Variants in KIF27 observed in about 807,000 individuals in gnomAD.
KIF27 encodes kinesin-like protein KIF27.
In KIF27, 84 loss-of-function variants were observed where a neutral mutation model predicts 141.8. That is an observed-to-expected ratio of 0.59 (90% CI 0.50 to 0.71). KIF27 has a LOEUF of 0.71. Ranked by LOEUF, KIF27 falls within the 30% of genes least tolerant of loss-of-function variation. The pLI, the probability that KIF27 is intolerant of heterozygous loss-of-function variation, is 0.00. For synonymous variants in KIF27, 471 were observed against 569.5 expected (o/e 0.83, Z 2.46); for missense variants, 1,306 against 1,628.4 (o/e 0.80, Z 3.41).
chr9:83,921,146 C>T (rs913825006), intron 1 of KIF27, among the ~76,000 whole-genome samples: 1 of 152,158 alleles, frequency 6.6e-6, no homozygotes, highest in African/African-American at 2.4e-5. Context: ...GGCTCCCAGC[C>T]CCGACCCCAG....
rs1433571663 is a variant in KIF27, at chr9:83,871,900, C to T, written c.2644-1268G>A. The stretch of plus-strand genomic sequence containing the variant: ...ATTTTTTAGGAGAGACAGGGTTTTA[C>T]CATGTTGGCCAGGCTGGTCTCGAAC... On this transcript the variant is annotated intron_variant, in intron 11 of 17. Coordinates refer to ENST00000297814, the MANE Select transcript of KIF27 (RefSeq NM_017576.4). 2.0e-5 allele frequency among the ~76,000 whole-genome samples: 3 copies of T among 151,220 alleles called. No individual in the cohort carries two copies. In the East Asian group the frequency reaches 6.0e-4, roughly 30 times the overall value.
chr9:83,905,109 C>A (rs1489293836), intron 3 of KIF27, among the ~76,000 whole-genome samples: 3 of 151,668 alleles, frequency 2.0e-5, no homozygotes, highest in African/African-American at 4.8e-5. Flanking sequence ...TTGTTTATAT[C>A]CAAAAATATT....
At chr9:83,852,154 A>C (rs1223020985) in intron 15 of KIF27, among the ~76,000 whole-genome samples, 1 of 147,496 alleles carries the variant, frequency 6.8e-6, no homozygotes. Context: ...ATAAAGAGTT[A>C]TCTCTATCAG....
chr9:83,900,017 CAGA>C (rs1477596627), intron 4 of KIF27, among the ~76,000 whole-genome samples: 14 of 152,098 alleles, frequency 9.2e-5, no homozygotes. Context: ...ACCATGAAGA[CAGA>C]AGATTTTCCT....
chr9:83,889,216 A>G lies in KIF27; in HGVS notation c.1847T>C (p.Ile616Thr). The part of the protein sequence containing the change: ...TSPPMYSLDR[I>T]FAGFRTRSQM... ...ACTTCGTGTTCGAAATCCAGCAAAT[A>G]TTCGATCCAGAGAGTACATAGGCGG... is the stretch of plus-strand genomic sequence containing the variant. The change falls in exon 7 of 18, where the codon ATA becomes ACA. Residue 616 changes from isoleucine to threonine, a missense_variant. Physicochemically the swap from Ile to Thr is moderately conservative, Grantham distance 89 (BLOSUM62 -1). This residue lies in a region of KIF27 where 596 missense variants were observed against 751.6 expected (regional missense o/e 0.79). Transcript: ENST00000297814. 1 of 1,613,706 alleles carries G rather than the reference A, an allele frequency of 6.2e-7. No individual in the cohort carries two copies. Among genetic ancestry groups the G allele is most frequent in the East Asian group, 2.2e-5 (1 of 44,876 alleles).
rs547236518 is a variant in KIF27, at chr9:83,836,663, A to T, written c.*338T>A. On this transcript the variant is annotated 3_prime_UTR_variant, in exon 18 of 18. Transcript: ENST00000297814. ...ATTGTAACATACTTTTATGATGTAC[A>T]TTTATATTATATAATAATACATACT... The T allele has an allele frequency of 5.6e-6, 1 of 177,998 alleles. No individual in the cohort carries two copies. Among genetic ancestry groups the T allele is most frequent in the East Asian group, 1.6e-4 (1 of 6,282 alleles). 11.0% of individuals were successfully genotyped at this position (177,998 alleles called of 1,614,324 possible). A position where few individuals can be genotyped will look rare whatever the true frequency, so the allele number is the denominator to read the frequency against.
In KIF27 at chr9:83,908,417, C is replaced by T. The variant is rs1274896165; in HGVS notation, c.499+35G>A. On this transcript the variant is annotated intron_variant, in intron 3 of 17. Coordinates refer to ENST00000297814, the MANE Select transcript of KIF27 (RefSeq NM_017576.4). ...TAAAGCATTAAAGCATGTCTGTTTG[C>T]TAATGAAGGCAACTGATTAAGTGTG... 3 of 1,304,718 alleles carry T rather than the reference C, an allele frequency of 2.3e-6. No homozygotes were observed. The Admixed American group carries it at 5.9e-5, about 25-fold the overall frequency. 80.8% of individuals were successfully genotyped at this position (1,304,718 alleles called of 1,614,324 possible). A position where few individuals can be genotyped will look rare whatever the true frequency, so the allele number is the denominator to read the frequency against.
At chr9:83,920,418 T>C (rs891888478) in intron 1 of KIF27, among the ~76,000 whole-genome samples, 1 of 152,210 alleles carries the variant, frequency 6.6e-6, no homozygotes, top group African/African-American at 2.4e-5. Flanking sequence ...CGTATTTAAG[T>C]ATACTCAACG....
chr9:83,852,040 A>G (rs1228615044), intron 15 of KIF27, among the ~76,000 whole-genome samples: 1 of 152,028 alleles, frequency 6.6e-6, no homozygotes, highest in Non-Finnish European at 1.5e-5. Flanking sequence ...AGGCAGGAGA[A>G]TTGCTTGAAC....
rs914010705 is a variant in KIF27, at chr9:83,917,139, C to A, written c.-87-1461G>T. ...TAATGCTATCCCTCCCCCCTTCCCC[C>A]ACCCCACAACAAGCCCCAATGTGTG... On this transcript the variant is annotated intron_variant, in intron 1 of 17. Coordinates refer to ENST00000297814, the MANE Select transcript of KIF27 (RefSeq NM_017576.4). Among the ~76,000 whole-genome samples the A allele has an allele frequency of 8.5e-5, 13 of 152,090 alleles. No homozygotes were observed. In the East Asian group the frequency reaches 2.5e-3, roughly 29 times the overall value.
rs747114367 is a variant in KIF27, at chr9:83,908,552, T to C, written c.399A>G (p.Val133=). Residue 133 remains valine (V), a synonymous_variant, in exon 3 of 18, where the codon GTA becomes GTG. Coordinates refer to ENST00000297814, the MANE Select transcript of KIF27 (RefSeq NM_017576.4). ...EHPSIDFNVK[V]SYIEVYKEDL... ...CTTCCTTGTACACTTCTATATAAGA[T>C]ACTTTTACATTAAAGTCAATGCTAG... The C allele has an allele frequency of 2.0e-5, 32 of 1,610,254 alleles. No homozygotes were observed. Among genetic ancestry groups the C allele is most frequent in the Non-Finnish European group, 1.5e-5 (18 of 1,176,872 alleles).
Position 83,848,155 on chromosome 9 carries a change from C to CAT in KIF27, c.3556+1942_3556+1943dup, listed in dbSNP as rs373463465. ...CTCATATATGATATATCTGATATAT[C>CAT]ATATATGATATATCTGATATATCAT... On this transcript the variant is annotated intron_variant, in intron 16 of 17. Transcript: ENST00000297814. Among the ~76,000 whole-genome samples, 156 of 45,696 alleles carry CAT rather than the reference C, an allele frequency of 3.4e-3. 36 individuals are homozygous for CAT. Among genetic ancestry groups the CAT allele is most frequent in the Middle Eastern group, 0.016 (1 of 64 alleles). The allele number at this position is 45,696 out of a possible 152,430, so 30.0% of individuals were successfully genotyped here. A position where few individuals can be genotyped will look rare whatever the true frequency, so the allele number is the denominator to read the frequency against.
At chr9:83,873,763 C>T (rs910396637) in intron 11 of KIF27, among the ~76,000 whole-genome samples, 8 of 152,098 alleles carry the variant, frequency 5.3e-5, no homozygotes, top group African/African-American at 1.9e-4. Context: ...TCTGTTTGTC[C>T]ACATACACTT....
chr9:83,887,209 A>G lies in KIF27; in HGVS notation c.2084-13T>C, dbSNP rs748917142. ...TCAATCTTTAAATCTTTAAAAAAAAATGGAGAAATAAAACTATCTGCTGGT... is the reference window on the plus strand; with the variant it reads ...TCAATCTTTAAATCTTTAAAAAAAAGTGGAGAAATAAAACTATCTGCTGGT... On this transcript the variant is annotated splice_polypyrimidine_tract_variant and intron_variant, in intron 8 of 17. Coordinates refer to ENST00000297814, the MANE Select transcript of KIF27 (RefSeq NM_017576.4). 7 of 1,458,580 alleles carry G rather than the reference A, an allele frequency of 4.8e-6. No homozygotes were observed. Among genetic ancestry groups the G allele is most frequent in the African/African-American group, 1.5e-5 (1 of 68,166 alleles). 90.4% of individuals were successfully genotyped at this position (1,458,580 alleles called of 1,614,324 possible). A position where few individuals can be genotyped will look rare whatever the true frequency, so the allele number is the denominator to read the frequency against.
chr9:83,880,555 C>T (rs867209893), intron 10 of KIF27, 61 bp from the exon 11 acceptor site: 10 of 1,222,256 alleles, frequency 8.2e-6, no homozygotes, highest in Middle Eastern at 3.9e-4. Context: ...CTCAACTAAA[C>T]TTAATCTTTT....
intron 5 of KIF27, among the ~76,000 whole-genome samples, chr9:83,898,434 A>G (rs1953489274): frequency 1.3e-5 from 2 of 152,224 alleles, no homozygotes. Context: ...TTTAGATAGT[A>G]AAACCATAAG....
At chr9:83,867,170 G>C (rs1467521349) in intron 13 of KIF27, among the ~76,000 whole-genome samples, 2 of 152,222 alleles carry the variant, frequency 1.3e-5, no homozygotes, top group Middle Eastern at 3.4e-3. Flanking sequence ...CCATGTTGTA[G>C]CATGTATCAG....
chr9:83,860,114 A>C (rs1949725875), intron 13 of KIF27: 1 of 152,176 alleles, frequency 6.6e-6, no homozygotes, highest in South Asian at 2.1e-4. Context: ...CTGATCAGAA[A>C]ATATGGTCAG....
Position 83,889,154 on chromosome 9 carries a change from C to T in KIF27, c.1909G>A (p.Val637Ile), listed in dbSNP as rs1952422960. ...LLGHIEEQDK[V>I]LHCQFSDNSD... is the part of the protein sequence containing the mutation. ...TTATCAGAAAATTGGCAGTGGAGGA[C>T]CTTATCTTGTTCTTCTATGTGACCC... The change falls in exon 7 of 18, where the codon GTC becomes ATC. Residue 637 changes from valine (V) to isoleucine (I), a missense_variant. Physicochemically the swap from Val to Ile is conservative, Grantham distance 29. Coordinates refer to ENST00000297814, the MANE Select transcript of KIF27 (RefSeq NM_017576.4). 1 of 1,613,864 alleles carries T rather than the reference C, an allele frequency of 6.2e-7. No homozygotes were observed. Among genetic ancestry groups the T allele is most frequent in the Non-Finnish European group, 8.5e-7 (1 of 1,179,884 alleles).
Sources: allele counts gnomAD v4.1 joint callset (sites outside exome capture counted in the v4.1 genomes callset), GRCh38; gene constraint gnomAD v4.1.1; regional missense constraint gnomAD v4.1.1; transcripts MANE v1.5; gene names NCBI Gene and HGNC (gene_info 2026-07-23, HGNC 2026-07-21).